ZNF318: variants seen among roughly 807,000 people sequenced by gnomAD.
ZNF318 encodes the protein endocrine regulator.
A neutral mutation model predicts 124.2 loss-of-function variants in ZNF318; 51 were observed. The observed-to-expected ratio is 0.41, with a 90% CI of 0.33 to 0.52. The LOEUF (loss-of-function observed/expected upper bound fraction) is 0.52. Ranked by LOEUF, ZNF318 falls within the 20% of genes least tolerant of loss-of-function variation. The pLI, the probability that ZNF318 is intolerant of heterozygous loss-of-function variation, is 0.23. For synonymous variants in ZNF318, 1,090 were observed against 1,040.7 expected (o/e 1.05, Z -0.91); for missense variants, 2,815 against 2,811.2 (o/e 1.00, Z -0.03).
At chr6:43,358,174 C>G (rs979657362) in intron 2 of ZNF318, among the ~76,000 whole-genome samples, 1 of 152,214 alleles carries the variant, frequency 6.6e-6, no homozygotes, top group East Asian at 1.9e-4. Flanking sequence ...GAACTAGAAT[C>G]TGCATTTTAA....
rs952411722 is a variant in ZNF318, at chr6:43,336,659, G to A, written c.*499C>T. 2 of 152,720 alleles carry A rather than the reference G, an allele frequency of 1.3e-5. No individual in the cohort carries two copies. The highest frequency in any genetic ancestry group is 4.1e-4 in the South Asian group (2 of 4,830). 9.5% of individuals were successfully genotyped at this position (152,720 alleles called of 1,614,324 possible). ...GGCCCATCCAAATGGAAGCCTAAGA[G>A]ATGAACAATTCTTCCAAGTTTTCCA... On this transcript the variant is annotated 3_prime_UTR_variant, in exon 10 of 10. Coordinates refer to ENST00000361428, the MANE Select transcript of ZNF318 (RefSeq NM_014345.3).
rs1779595822 is a variant in ZNF318 at position 43,355,611 on chromosome 6, G to A, written c.1723C>T (p.Pro575Ser). Reference protein sequence around the residue: ...QKASSLPSSAPAVKLESLEET... With the variant: ...QKASSLPSSASAVKLESLEET... ...TCTAGTGATTCTAGCTTTACAGCTG[G>A]AGCTGAAGACGGCAGGGAGCTTGCC... The change falls in exon 4 of 10, where the codon CCA (proline) becomes TCA (serine). Residue 575 changes from proline to serine, a missense_variant. By Grantham distance (74) the Pro-to-Ser change is moderately conservative. Coordinates refer to ENST00000361428, the MANE Select transcript of ZNF318 (RefSeq NM_014345.3). 6.2e-7 allele frequency: 1 copy of A among 1,614,088 alleles called. No homozygotes were observed. Among genetic ancestry groups the A allele is most frequent in the Non-Finnish European group, 8.5e-7 (1 of 1,180,046 alleles).
In ZNF318 at chr6:43,342,875, G is replaced by T; in HGVS notation, c.3077C>A (p.Ser1026Ter). 6.2e-7 allele frequency: 1 copy of T among 1,609,022 alleles called. No homozygotes were observed. Among genetic ancestry groups the T allele is most frequent in the South Asian group, 1.1e-5 (1 of 90,748 alleles). The change falls in exon 7 of 10, where the codon TCA (serine) becomes TAA (stop). Residue 1026 changes from serine to a stop codon, truncating the protein, a stop_gained. Transcript: ENST00000361428. LOFTEE classifies it high-confidence loss of function. ...SFSNSSSNKE[S>*]KVNNEKFRTK... Reference sequence around the variant, plus strand: ...ACGAAACTTCTCATTGTTTACTTTTGATTCCTAGAGGGGAAAAATCTGTAC... The same window carrying T: ...ACGAAACTTCTCATTGTTTACTTTTTATTCCTAGAGGGGAAAAATCTGTAC...
At chr6:43,340,673 G>C in intron 9 of ZNF318, 117 bp downstream of exon 9, 4 of 1,511,174 alleles carry the variant, frequency 2.6e-6, no homozygotes, top group South Asian at 1.2e-5. Context: ...GGAGAACTTA[G>C]AGGTTATATG....
At position 43,338,590 on chromosome 6, in the gene ZNF318, G is replaced by A; in HGVS notation, c.5408C>T (p.Pro1803Leu). 6.2e-7 allele frequency: 1 copy of A among 1,614,042 alleles called. No individual in the cohort carries two copies. Among genetic ancestry groups the A allele is most frequent in the South Asian group, 1.1e-5 (1 of 91,072 alleles). Residue 1803 changes from proline (P) to leucine (L), a missense_variant, in exon 10 of 10, where the codon CCC (proline) becomes CTC (leucine). By Grantham distance (98) the Pro-to-Leu change is moderately conservative. Transcript: ENST00000361428. Reference sequence around the variant, plus strand: ...CAAATTAGAATCATCTATGCTGTGGGGTCCAATGCTGGTACTTACTCCCTC... The same window carrying A: ...CAAATTAGAATCATCTATGCTGTGGAGTCCAATGCTGGTACTTACTCCCTC... ...VDEGVSTSIG[P>L]HSIDDSNLNH... is the part of the protein sequence containing the mutation.
intron 2 of ZNF318, among the ~76,000 whole-genome samples, chr6:43,359,991 G>T (rs1175542438): frequency 2.6e-5 from 4 of 152,164 alleles, no homozygotes; most frequent in Admixed American, 2.6e-4. Context: ...GAATGTTCAT[G>T]AGTTGAGTCA....
chr6:43,344,294 T>C (rs1365118580), intron 6 of ZNF318, among the ~76,000 whole-genome samples: 1 of 152,196 alleles, frequency 6.6e-6, no homozygotes, highest in Non-Finnish European at 1.5e-5. Context: ...TAGGAATACA[T>C]TACATACCTC....
At position 43,369,245 on chromosome 6, in the gene ZNF318, G is replaced by A. The variant is rs750558847; in HGVS notation, c.121C>T (p.Pro41Ser). The A allele has an allele frequency of 7.6e-4, 941 of 1,242,464 alleles. 6 individuals carry two copies. Among genetic ancestry groups the A allele is most frequent in the Non-Finnish European group, 3.7e-4 (365 of 992,944 alleles). The allele number at this position is 1,242,464 out of a possible 1,614,324, so 77.0% of individuals were successfully genotyped here. The change falls in exon 1 of 10, where the codon CCG (proline) becomes TCG (serine). Residue 41 changes from proline (P) to serine (S), a missense_variant. Transcript: ENST00000361428. ...SSSGPARRSS[P>S]PPPPSGSSSR... is the part of the protein sequence containing the mutation. ...GAGGAGCCGGAGGGCGGAGGCGGCG[G>A]TGAGCTGCGGCGAGCCGGGCCTGAG... is the stretch of plus-strand genomic sequence containing the variant.
In ZNF318 at chr6:43,338,494, G is replaced by T. The variant is rs762433950; in HGVS notation, c.5504C>A (p.Ala1835Asp). Residue 1835 changes from alanine (A) to aspartate (D), a missense_variant, in exon 10 of 10, where the codon GCT (alanine) becomes GAT (aspartate). Ala to Asp is a moderately radical substitution (Grantham distance 126). Coordinates refer to ENST00000361428, the MANE Select transcript of ZNF318 (RefSeq NM_014345.3). ...QPNLLMIDKE[A>D]EQSNKLMTGS... Reference sequence around the variant, plus strand: ...TGTCATCAATTTATTGGACTGTTCAGCCTCTTTGTCAATCATTAGCAAGTT... The same window carrying T: ...TGTCATCAATTTATTGGACTGTTCATCCTCTTTGTCAATCATTAGCAAGTT... 6 of 1,614,154 alleles carry T rather than the reference G, an allele frequency of 3.7e-6. No homozygotes were observed. In the East Asian group the frequency reaches 1.3e-4, roughly 36 times the overall value.
In ZNF318 at chr6:43,357,347, G is replaced by A. The variant is rs1031622523; in HGVS notation, c.967C>T (p.Arg323Ter). 1.2e-6 allele frequency: 2 copies of A among 1,614,058 alleles called. No individual in the cohort carries two copies. Among genetic ancestry groups the A allele is most frequent in the Non-Finnish European group, 1.7e-6 (2 of 1,179,998 alleles). ...PEFRELDLARRKREEEEERSR... is the reference protein window; with the variant it reads ...PEFRELDLAR ...CGCTCCTCCTCTTCCTCTCGCTTTC[G>A]TCTGGCAAGATCCAGTTCTCGAAAC... The change falls in exon 3 of 10, where the codon CGA becomes TGA. Residue 323 changes from arginine (R) to a stop codon, truncating the protein, a stop_gained. Transcript: ENST00000361428. LOFTEE classifies it high-confidence loss of function.
At chr6:43,345,715 T>C (rs1779429964) in intron 6 of ZNF318, among the ~76,000 whole-genome samples, 1 of 152,222 alleles carries the variant, frequency 6.6e-6, no homozygotes, top group African/African-American at 2.4e-5. Context: ...TAACACAGAA[T>C]ATATTCTCTT....
intron 2 of ZNF318, among the ~76,000 whole-genome samples, chr6:43,362,319 A>G (rs1050899545): frequency 6.6e-6 from 1 of 150,470 alleles, no homozygotes; most frequent in Admixed American, 6.6e-5. Flanking sequence ...CTGGCATGGT[A>G]GTCCGCACCT....
intron 1 of ZNF318, 97 bp from the exon 2 acceptor site, chr6:43,365,537 T>C (rs1180503516): frequency 7.7e-7 from 1 of 1,294,268 alleles, no homozygotes; most frequent in African/African-American, 1.5e-5. Flanking sequence ...CCAGGCATGG[T>C]GGCTCATGCC....
rs759445170 is a variant in ZNF318, at chr6:43,337,942, T to C, written c.6056A>G (p.Asp2019Gly). The change falls in exon 10 of 10, where the codon GAT becomes GGT. Residue 2019 changes from aspartate (D) to glycine (G), a missense_variant. Physicochemically the swap from Asp to Gly is moderately conservative, Grantham distance 94. Transcript: ENST00000361428. ...AGTAGTGCAGAAATCAACAGGCATATCCCCCAGATTCCCCAGGGCAGTAAG... is the reference window on the plus strand; with the variant it reads ...AGTAGTGCAGAAATCAACAGGCATACCCCCCAGATTCCCCAGGGCAGTAAG... ...EELTALGNLG[D>G]MPVDFCTTRV... 7 of 1,614,140 alleles carry C rather than the reference T, an allele frequency of 4.3e-6. No individual in the cohort carries two copies. In the South Asian group the frequency reaches 7.7e-5, roughly 18 times the overall value.
chr6:43,365,148 C>G (rs1779741994), intron 2 of ZNF318, 144 bp downstream of exon 2: 1 of 780,438 alleles, frequency 1.3e-6, no homozygotes, highest in African/African-American at 1.8e-5. Flanking sequence ...AAATTCTATC[C>G]CAGCGTTTTA....
In ZNF318 at chr6:43,348,133, A is replaced by G. The variant is rs779223641; in HGVS notation, c.3072+191T>C. Among the ~76,000 whole-genome samples, 101 of 152,230 alleles carry G rather than the reference A, an allele frequency of 6.6e-4. 1 individual carries two copies. The highest frequency in any genetic ancestry group is 1.2e-3 in the Non-Finnish European group (80 of 68,042). ...AGAAGGTTCTGAATACTGAGGATTT[A>G]GGATTCTTTGTGGGCAACAAGGAAC... On this transcript the variant is annotated intron_variant, in intron 6 of 9. Transcript: ENST00000361428.
At chr6:43,354,410 A>G (rs1003745771) in intron 4 of ZNF318, among the ~76,000 whole-genome samples, 1 of 152,210 alleles carries the variant, frequency 6.6e-6, no homozygotes. Flanking sequence ...GAAGACCATT[A>G]ACTTGGATAG....
rs779506914 is a variant in ZNF318 at position 43,355,459 on chromosome 6, T to C, written c.1875A>G (p.Ser625=). The C allele has an allele frequency of 3.7e-6, 6 of 1,614,058 alleles. No homozygotes were observed. Among genetic ancestry groups the C allele is most frequent in the Non-Finnish European group, 5.1e-6 (6 of 1,180,032 alleles). ...TQERLHGKKP[S]LRSSADRRSS... ...AACGGCGGTCAGCTGAGGAGCGTAA[T>C]GATGGCTTCTTGCCATGAAGTCGTT... The change falls in exon 4 of 10, where the codon TCA becomes TCG. Residue 625 remains serine (S), a synonymous_variant. Transcript: ENST00000361428.
At position 43,355,124 on chromosome 6, in the gene ZNF318, G is replaced by T; in HGVS notation, c.2210C>A (p.Ala737Glu). 1 of 1,614,214 alleles carries T rather than the reference G, an allele frequency of 6.2e-7. No homozygotes were observed. Among genetic ancestry groups the T allele is most frequent in the South Asian group, 1.1e-5 (1 of 91,090 alleles). ...VVGSGFQSSV[A>E]VRCMLPSAPS... Reference sequence around the variant, plus strand: ...GGCTGATGGCAACATGCACCTGACTGCAACAGATGACTGAAACCCACTACC... The same window carrying T: ...GGCTGATGGCAACATGCACCTGACTTCAACAGATGACTGAAACCCACTACC... Residue 737 changes from alanine (A) to glutamate (E), a missense_variant, in exon 4 of 10, where the codon GCA becomes GAA. Ala to Glu is a moderately radical substitution (Grantham distance 107). Coordinates refer to ENST00000361428, the MANE Select transcript of ZNF318 (RefSeq NM_014345.3).
Sources: gnomAD v4.1 joint callset for allele counts (sites outside exome capture counted in the v4.1 genomes callset) on GRCh38, gnomAD v4.1.1 for gene constraint, MANE v1.5 for transcripts, NCBI Gene and HGNC (gene_info 2026-07-23, HGNC 2026-07-21) for gene names.